Variants in DPF3 observed in about 807,000 individuals in gnomAD.
DPF3 encodes double PHD fingers 3.
In DPF3, 18 loss-of-function variants were observed where a neutral mutation model predicts 56.8. The ratio of observed to expected loss-of-function variants is 0.32; its 90% confidence interval spans 0.22 to 0.47. The LOEUF is 0.47. Ranked by LOEUF, DPF3 falls within the 20% of genes least tolerant of loss-of-function variation. The probability of loss-of-function intolerance (pLI) is 1.00; values close to 1 mark genes in which losing one functional copy is unlikely to be tolerated. For synonymous variants in DPF3, 188 were observed against 180.2 expected, an observed-to-expected ratio of 1.04 and a Z score of -0.35; for missense variants, 403 against 488.8, an observed-to-expected ratio of 0.82 and a Z score of 1.65.
intron 7 of DPF3, among the ~76,000 whole-genome samples, chr14:72,682,708 G>T (rs564460688): frequency 6.6e-6 from 1 of 152,318 alleles, no homozygotes; most frequent in African/African-American, 2.4e-5. Flanking sequence ...TAGACCTGAG[G>T]ATTTGGAAGG....
At chr14:72,756,393 C>A (rs1053838701) in intron 2 of DPF3, among the ~76,000 whole-genome samples, 2 of 152,156 alleles carry the variant, frequency 1.3e-5, no homozygotes, top group Non-Finnish European at 2.9e-5. Flanking sequence ...TTAGCAGACT[C>A]CAGACAAATA....
chr14:72,748,437 T>A (rs745570458), intron 3 of DPF3, among the ~76,000 whole-genome samples: 11 of 150,288 alleles, frequency 7.3e-5, no homozygotes, highest in Non-Finnish European at 1.3e-4. Flanking sequence ...AAGCAGAGCA[T>A]AACAGTTTGG....
intron 3 of DPF3, among the ~76,000 whole-genome samples, chr14:72,738,226 T>C (rs1567216923): frequency 6.6e-6 from 1 of 151,954 alleles, no homozygotes; most frequent in East Asian, 1.9e-4. Context: ...GGGTGCCACT[T>C]TCTTGGCTGC....
chr14:72,676,363 A>G (rs771698571), intron 7 of DPF3, among the ~76,000 whole-genome samples: 8 of 152,250 alleles, frequency 5.3e-5, no homozygotes, highest in Non-Finnish European at 1.2e-4. Context: ...GGGACTTCCT[A>G]TAATTTTCAA....
At chr14:72,859,395 T>C (rs533355794) in intron 1 of DPF3, among the ~76,000 whole-genome samples, 1 of 152,012 alleles carries the variant, frequency 6.6e-6, no homozygotes, top group Non-Finnish European at 1.5e-5. Flanking sequence ...TACCTGGGGT[T>C]TCTACCACCC....
chr14:72,781,863 T>C (rs1238623579), intron 1 of DPF3, among the ~76,000 whole-genome samples: 2 of 151,990 alleles, frequency 1.3e-5, no homozygotes, highest in Non-Finnish European at 2.9e-5. Flanking sequence ...GCAACAAAAG[T>C]GAGGTGGTGG....
intron 8 of DPF3, among the ~76,000 whole-genome samples, chr14:72,658,635 G>A (rs1886121505): frequency 6.6e-6 from 1 of 152,126 alleles, no homozygotes; most frequent in Non-Finnish European, 1.5e-5. Flanking sequence ...TTTTCTGGTG[G>A]AGCCATATCT....
intron 2 of DPF3, among the ~76,000 whole-genome samples, chr14:72,763,450 T>A (rs1019437749): frequency 6.6e-6 from 1 of 152,044 alleles, no homozygotes; most frequent in Non-Finnish European, 1.5e-5. Context: ...AACACACATA[T>A]ATGTGGACAT....
At chr14:72,674,003 G>T in intron 8 of DPF3, 1 of 527,720 alleles carries the variant, frequency 1.9e-6, no homozygotes, top group Non-Finnish European at 3.2e-6. Context: ...CTCATGGAAA[G>T]GCCAGACACA....
At chr14:72,671,780 G>T (rs1047165225) in intron 8 of DPF3, among the ~76,000 whole-genome samples, 2 of 152,172 alleles carry the variant, frequency 1.3e-5, no homozygotes, top group African/African-American at 4.8e-5. Context: ...CTGTACAAAG[G>T]TATTACTGTC....
At chr14:72,808,470 C>G (rs149079383) in intron 1 of DPF3, among the ~76,000 whole-genome samples, 166 of 152,298 alleles carry the variant, frequency 1.1e-3, no homozygotes, top group African/African-American at 3.8e-3. Context: ...GTGGGACTTA[C>G]AAGCAGGACC....
chr14:72,725,373 A>C (rs190691914), intron 4 of DPF3, among the ~76,000 whole-genome samples: 1 of 152,148 alleles, frequency 6.6e-6, no homozygotes, highest in Admixed American at 6.5e-5. Context: ...TGAGAACATG[A>C]GCTGAGAAGT....
intron 1 of DPF3, among the ~76,000 whole-genome samples, chr14:72,871,141 C>A (rs1665451012): frequency 6.6e-6 from 1 of 152,162 alleles, no homozygotes; most frequent in African/African-American, 2.4e-5. Context: ...GAAAGACCAG[C>A]CCCCATGATT....
At chr14:72,788,052 T>A (rs1389951385) in intron 1 of DPF3, among the ~76,000 whole-genome samples, 2 of 152,228 alleles carry the variant, frequency 1.3e-5, no homozygotes, top group Admixed American at 6.5e-5. Flanking sequence ...CCTAACTGCC[T>A]GGCCATGCTA....
chr14:72,636,966 G>A (rs1469219379), intron 8 of DPF3, among the ~76,000 whole-genome samples: 1 of 152,190 alleles, frequency 6.6e-6, no homozygotes, highest in South Asian at 2.1e-4. Flanking sequence ...ACCTTCCTGT[G>A]CATCCAGCTC....
At chr14:72,762,010 C>T (rs1891086291) in intron 2 of DPF3, among the ~76,000 whole-genome samples, 1 of 151,702 alleles carries the variant, frequency 6.6e-6, no homozygotes, top group South Asian at 2.1e-4. Context: ...AAATAGATAA[C>T]CTAAATAGCC....
chr14:72,857,574 G>A (rs7140344), intron 1 of DPF3, among the ~76,000 whole-genome samples: 2,877 of 151,742 alleles, frequency 0.019, 97 homozygotes, highest in African/African-American at 0.066. Flanking sequence ...AGTAGGCAAT[G>A]AGTTTTTTTG....
rs149841044 is a variant in DPF3 at position 72,803,546 on chromosome 14, G to A, written c.33-31653C>T. On this transcript the variant is annotated intron_variant, in intron 1 of 10. Transcript: ENST00000556509. ...TTTAGATACAAGACACAAGCCCAAC[G>A]TGTCACCCAGCCTGGATCCCATAGA... is the stretch of plus-strand genomic sequence containing the variant. 4.1e-4 allele frequency among the ~76,000 whole-genome samples: 63 copies of A among 152,306 alleles called. 2 individuals are homozygous for A. The East Asian group carries it at 0.012, about 29-fold the overall frequency.
intron 1 of DPF3, among the ~76,000 whole-genome samples, chr14:72,849,310 G>A (rs1288585009): frequency 6.6e-6 from 1 of 152,310 alleles, no homozygotes; most frequent in Non-Finnish European, 1.5e-5. Context: ...TTGGTGAGGG[G>A]TTGCACACAC....
Sources: gnomAD v4.1 joint callset for allele counts (sites outside exome capture counted in the v4.1 genomes callset) on GRCh38, gnomAD v4.1.1 for gene constraint, MANE v1.5 for transcripts, NCBI Gene and HGNC (gene_info 2026-07-23, HGNC 2026-07-21) for gene names.